Variants in CCL8 observed in about 807,000 individuals in gnomAD.
The protein encoded by CCL8 is C-C motif chemokine ligand 8.
Under a neutral mutation model 6.6 loss-of-function variants are expected in CCL8, and 3 were observed. The ratio of observed to expected loss-of-function variants is 0.45; its 90% CI spans 0.21 to 1.17. The LOEUF (loss-of-function observed/expected upper bound fraction) is 1.17. Among genes scored for constraint, CCL8 ranks in the 50% most tolerant of loss-of-function variants. CCL8 has a pLI of 0.24. For missense variants in CCL8, 127 were observed against 118.1 expected (o/e 1.08, Z -0.35); for synonymous variants, 49 against 41.8 (o/e 1.17, Z -0.67).
At position 34,320,996 on chromosome 17, in the gene CCL8, A is replaced by G; in HGVS notation, c.*89A>G. On this transcript the variant is annotated 3_prime_UTR_variant, in exon 3 of 3. Coordinates refer to ENST00000394620, the MANE Select transcript of CCL8 (RefSeq NM_005623.3). The stretch of plus-strand genomic sequence containing the variant: ...CCCAGGTGCAGTGTGACATTATTTT[A>G]TTATAACATCCACAAAGAGATTATT... The G allele has an allele frequency of 2.9e-6, 2 of 686,666 alleles. No individual in the cohort carries two copies. Among genetic ancestry groups the G allele is most frequent in the African/African-American group, 1.9e-5 (1 of 52,992 alleles). The allele number at this position is 686,666 out of a possible 1,614,324, so 42.5% of individuals were successfully genotyped here.
Position 34,319,459 on chromosome 17 carries a change from A to G in CCL8, c.-43A>G, listed in dbSNP as rs200651459. 9.0e-5 allele frequency: 143 copies of G among 1,582,168 alleles called. No individual in the cohort carries two copies. The Admixed American group carries it at 1.8e-3, about 20-fold the overall frequency. ...CAGAGAGGTTGAGAACAACCCAGAA[A>G]CCTTCACCTCTCATGCTGAAGCTCA... On this transcript the variant is annotated 5_prime_UTR_variant, in exon 1 of 3. Transcript: ENST00000394620.
In CCL8 at chr17:34,321,179, T is replaced by C. The variant is rs1909514687; in HGVS notation, c.*272T>C. On this transcript the variant is annotated 3_prime_UTR_variant, in exon 3 of 3. Coordinates refer to ENST00000394620, the MANE Select transcript of CCL8 (RefSeq NM_005623.3). ...TGTTTTCCTGTGAGCTCAACTAAGT[T>C]CACGGCAAAATGTCATTGTTCTCCC... 6.0e-6 allele frequency: 2 copies of C among 334,666 alleles called. No homozygotes were observed. Among genetic ancestry groups the C allele is most frequent in the African/African-American group, 4.4e-5 (2 of 45,170 alleles). The allele number at this position is 334,666 out of a possible 1,614,324, so 20.7% of individuals were successfully genotyped here.
At position 34,321,069 on chromosome 17, in the gene CCL8, T is replaced by C; in HGVS notation, c.*162T>C. The C allele has an allele frequency of 3.8e-6, 2 of 530,180 alleles. No individual in the cohort carries two copies. The highest frequency in any genetic ancestry group is 6.5e-6 in the Non-Finnish European group (2 of 308,910). 32.8% of individuals were successfully genotyped at this position (530,180 alleles called of 1,614,324 possible). On this transcript the variant is annotated 3_prime_UTR_variant, in exon 3 of 3. Transcript: ENST00000394620. ...ATTTCTTAAAAAGTATTTAATTATATTTAAGTTGTTGATGTTTTAACTCTA... is the reference window on the plus strand; with the variant it reads ...ATTTCTTAAAAAGTATTTAATTATACTTAAGTTGTTGATGTTTTAACTCTA...
chr17:34,320,311 A>G lies in CCL8; in HGVS notation c.119A>G (p.Asn40Ser). ...IPITCCFNVI[N>S]RKIPIQRLES... is the part of the protein sequence containing the mutation. ...ATCACCTGCTGCTTTAACGTGATCA[A>G]TAGGAAAATTCCTATCCAGAGGCTG... The change falls in exon 2 of 3, where the codon AAT becomes AGT. Residue 40 changes from asparagine (N) to serine (S), a missense_variant. Physicochemically the swap from Asn to Ser is conservative, Grantham distance 46. Transcript: ENST00000394620. 1 of 1,613,854 alleles carries G rather than the reference A, an allele frequency of 6.2e-7. No homozygotes were observed. Among genetic ancestry groups the G allele is most frequent in the Non-Finnish European group, 8.5e-7 (1 of 1,179,826 alleles).
At chr17:34,320,168 A>T in intron 1 of CCL8, 101 bp from the exon 2 acceptor site, 1 of 730,582 alleles carries the variant, frequency 1.4e-6, no homozygotes, top group Non-Finnish European at 2.4e-6. Context: ...TGAACTTGGG[A>T]TGGTGACTTC....
chr17:34,319,602 G>A (rs1468080670), intron 1 of CCL8, 25 bp downstream of exon 1: 3 of 1,538,692 alleles, frequency 1.9e-6, no homozygotes, highest in African/African-American at 1.4e-5. Context: ...TTTTTAAGGG[G>A]AGACCAAAAG....
intron 2 of CCL8, 109 bp downstream of exon 2, chr17:34,320,495 G>T (rs1909487033): frequency 1.3e-6 from 1 of 750,580 alleles, no homozygotes; most frequent in Non-Finnish European, 2.4e-6. Flanking sequence ...TATCCAAAGG[G>T]CCCCTCTACC....
rs762775280 is a variant in CCL8, at chr17:34,320,392, T to C, written c.194+6T>C. The C allele has an allele frequency of 1.3e-6, 2 of 1,558,854 alleles. No homozygotes were observed. Among genetic ancestry groups the C allele is most frequent in the African/African-American group, 1.4e-5 (1 of 73,746 alleles). On this transcript the variant is annotated splice_donor_region_variant and intron_variant, in intron 2 of 2. Coordinates refer to ENST00000394620, the MANE Select transcript of CCL8 (RefSeq NM_005623.3). The stretch of plus-strand genomic sequence containing the variant: ...TGTCCCAAGGAAGCTGTGATGTGAG[T>C]GGACAGTGCCTGGCACCCCCATTCA...
At chr17:34,320,571 G>T (rs552953116) in intron 2 of CCL8, among the ~76,000 whole-genome samples, 185 bp downstream of exon 2, 9 of 152,200 alleles carry the variant, frequency 5.9e-5, no homozygotes, top group Non-Finnish European at 1.0e-4. Context: ...CTAGGGGCTT[G>T]GTGAAACTAA....
intron 1 of CCL8, 24 bp from the exon 2 acceptor site, chr17:34,320,245 C>T: frequency 1.3e-6 from 2 of 1,490,184 alleles, no homozygotes; most frequent in Non-Finnish European, 1.9e-6. Flanking sequence ...CTAAATGTCT[C>T]ATTCTTTGCA....
At position 34,319,498 on chromosome 17, in the gene CCL8, C is replaced by T. The variant is rs539862720; in HGVS notation, c.-4C>T. Reference sequence around the variant, plus strand: ...TGCTGAAGCTCACACCCTTGCCCTCCAAGATGAAGGTTTCTGCAGCGCTTC... The same window carrying T: ...TGCTGAAGCTCACACCCTTGCCCTCTAAGATGAAGGTTTCTGCAGCGCTTC... On this transcript the variant is annotated 5_prime_UTR_variant, in exon 1 of 3. Transcript: ENST00000394620. 7 of 1,613,630 alleles carry T rather than the reference C, an allele frequency of 4.3e-6. No individual in the cohort carries two copies. Among genetic ancestry groups the T allele is most frequent in the Non-Finnish European group, 5.9e-6 (7 of 1,179,662 alleles).
chr17:34,319,580 A>G lies in CCL8; in HGVS notation c.76+3A>G. 1 of 1,611,050 alleles carries G rather than the reference A, an allele frequency of 6.2e-7. No individual in the cohort carries two copies. The highest frequency in any genetic ancestry group is 2.2e-5 in the East Asian group (1 of 44,854). On this transcript the variant is annotated splice_donor_region_variant and intron_variant, in intron 1 of 2. Coordinates refer to ENST00000394620, the MANE Select transcript of CCL8 (RefSeq NM_005623.3). Reference sequence around the variant, plus strand: ...CCCTCAGGGACTTGCTCAGCCAGGTAAGACCTCTCCCTTTTTAAGGGGAGA... The same window carrying G: ...CCCTCAGGGACTTGCTCAGCCAGGTGAGACCTCTCCCTTTTTAAGGGGAGA...
At chr17:34,319,843 A>C (rs1567655342) in intron 1 of CCL8, among the ~76,000 whole-genome samples, 1 of 152,142 alleles carries the variant, frequency 6.6e-6, no homozygotes, top group Admixed American at 6.5e-5. Flanking sequence ...AGAGGGAGAA[A>C]CTATTGCCTG....
At chr17:34,320,436 A>C (rs1909485622) in intron 2 of CCL8, 50 bp downstream of exon 2, 1 of 1,173,506 alleles carries the variant, frequency 8.5e-7, no homozygotes, top group Non-Finnish European at 1.3e-6. Context: ...GATGGACAAC[A>C]TAGAGAAGTC....
rs200100731 is a variant in CCL8 at position 34,319,500 on chromosome 17, A to C, written c.-2A>C. 2.4e-5 allele frequency: 38 copies of C among 1,613,660 alleles called. No individual in the cohort carries two copies. The highest frequency in any genetic ancestry group is 3.2e-5 in the Non-Finnish European group (38 of 1,179,768). On this transcript the variant is annotated 5_prime_UTR_variant, in exon 1 of 3. Transcript: ENST00000394620. ...CTGAAGCTCACACCCTTGCCCTCCAAGATGAAGGTTTCTGCAGCGCTTCTG... is the reference window on the plus strand; with the variant it reads ...CTGAAGCTCACACCCTTGCCCTCCACGATGAAGGTTTCTGCAGCGCTTCTG...
rs1009116476 is a variant in CCL8, at chr17:34,320,179, T to C, written c.77-90T>C. On this transcript the variant is annotated intron_variant, in intron 1 of 2. Transcript: ENST00000394620. ...ACACTGAACTTGGGATGGTGACTTC[T>C]TGGTCTTCTCCTTCCTTCTCTTCTT... 3 of 796,394 alleles carry C rather than the reference T, an allele frequency of 3.8e-6. No homozygotes were observed. The African/African-American group carries it at 5.1e-5, about 14-fold the overall frequency. 49.3% of individuals were successfully genotyped at this position (796,394 alleles called of 1,614,324 possible). A position where few individuals can be genotyped will look rare whatever the true frequency, so the allele number is the denominator to read the frequency against.
intron 2 of CCL8, 100 bp from the exon 3 acceptor site, chr17:34,320,702 C>A: frequency 2.7e-6 from 2 of 744,728 alleles, no homozygotes; most frequent in Non-Finnish European, 4.4e-6. Context: ...GGTCCTTCAC[C>A]TAAGGACCAA....
chr17:34,320,668 C>T, intron 2 of CCL8, 134 bp from the exon 3 acceptor site: 1 of 625,010 alleles, frequency 1.6e-6, no homozygotes, highest in African/African-American at 1.9e-5. Context: ...TCCCACTCTT[C>T]CCCTCCCTCC....
chr17:34,320,494 G>T, intron 2 of CCL8, 108 bp downstream of exon 2: 1 of 756,418 alleles, frequency 1.3e-6, no homozygotes, highest in East Asian at 2.5e-5. Context: ...CTATCCAAAG[G>T]GCCCCTCTAC....
Sources: allele counts gnomAD v4.1 joint callset (sites outside exome capture counted in the v4.1 genomes callset), GRCh38; gene constraint gnomAD v4.1.1; transcripts MANE v1.5; gene names NCBI Gene and HGNC (gene_info 2026-07-23, HGNC 2026-07-21).